Variants in ENTPD3 observed in about 807,000 individuals in gnomAD.
ENTPD3 encodes ectonucleoside triphosphate diphosphohydrolase 3, also known as CD39 antigen-like 3.
ENTPD3 carries 60 observed loss-of-function variants against 51.2 expected under a neutral mutation model. That is an observed-to-expected ratio of 1.17 (90% confidence interval 0.95 to 1.45). ENTPD3 has a LOEUF of 1.45. Among genes scored for constraint, ENTPD3 ranks in the 40% most tolerant of loss-of-function variants. ENTPD3 has a pLI of 0.00. For missense variants in ENTPD3, 593 were observed against 641.1 expected, an observed-to-expected ratio of 0.93 and a Z score of 0.81; for synonymous variants, 221 against 238.4, an observed-to-expected ratio of 0.93 and a Z score of 0.67.
intron 2 of ENTPD3, among the ~76,000 whole-genome samples, chr3:40,388,579 CACACAG>C (rs1290279636): frequency 2.7e-3 from 159 of 59,746 alleles, no homozygotes; most frequent in Middle Eastern, 0.023. Flanking sequence ...AAGGCACACA[CACACAG>C]ACACACACAC....
chr3:40,397,115 G>GTTTTTTTTTT (rs1437880969), intron 3 of ENTPD3, among the ~76,000 whole-genome samples: 3 of 23,864 alleles, frequency 1.3e-4, no homozygotes, highest in African/African-American at 2.2e-4. Context: ...TGGATAATTA[G>GTTTTTTTTTT]TTTCTTTTTT....
intron 7 of ENTPD3, among the ~76,000 whole-genome samples, chr3:40,418,106 T>C (rs951917985): frequency 1.3e-5 from 2 of 152,218 alleles, no homozygotes; most frequent in African/African-American, 2.4e-5. Context: ...AGTCTCCAAA[T>C]GTGAGCCCAG....
chr3:40,407,816 C>A (rs946823831), intron 4 of ENTPD3, among the ~76,000 whole-genome samples: 2 of 151,986 alleles, frequency 1.3e-5, no homozygotes, highest in Non-Finnish European at 2.9e-5. Flanking sequence ...AGAGGAAGTG[C>A]GCAATTAGGT....
chr3:40,416,698 G>T (rs1955755783), intron 7 of ENTPD3, among the ~76,000 whole-genome samples: 1 of 152,156 alleles, frequency 6.6e-6, no homozygotes, highest in South Asian at 2.1e-4. Flanking sequence ...GTTCATGAGG[G>T]CACTAACTCC....
At chr3:40,425,079 T>G (rs1955956283) in intron 10 of ENTPD3, 1 of 242,202 alleles carries the variant, frequency 4.1e-6, no homozygotes, top group African/African-American at 2.2e-5. Context: ...AGTTCCCTTT[T>G]TTTAATTATA....
chr3:40,413,087 C>T (rs1955671172), intron 5 of ENTPD3, among the ~76,000 whole-genome samples: 1 of 152,178 alleles, frequency 6.6e-6, no homozygotes, highest in Non-Finnish European at 1.5e-5. Flanking sequence ...ATTCCATGGA[C>T]CTAAAATCCT....
chr3:40,422,627 G>A (rs938132411), intron 7 of ENTPD3, among the ~76,000 whole-genome samples: 21 of 150,098 alleles, frequency 1.4e-4, no homozygotes, highest in Middle Eastern at 3.5e-3. Context: ...TTGTCCTTGC[G>A]ATAGTTTACT....
intron 4 of ENTPD3, among the ~76,000 whole-genome samples, chr3:40,402,591 A>G (rs1436830994): frequency 6.6e-6 from 1 of 152,130 alleles, no homozygotes; most frequent in Non-Finnish European, 1.5e-5. Context: ...AATTCTTTAT[A>G]AATATTCTAA....
chr3:40,396,483 G>T (rs972905963), intron 3 of ENTPD3, among the ~76,000 whole-genome samples: 1 of 152,156 alleles, frequency 6.6e-6, no homozygotes. Flanking sequence ...TGTTACAGAG[G>T]ACTCTCATGC....
chr3:40,387,958 TG>T, intron 1 of ENTPD3, 87 bp from the exon 2 acceptor site: 1 of 1,081,698 alleles, frequency 9.2e-7, no homozygotes, highest in Non-Finnish European at 1.4e-6. Context: ...GGAAGTAAAA[TG>T]GGTTTTGTCT....
At chr3:40,393,212 A>G (rs1955106258) in intron 3 of ENTPD3, among the ~76,000 whole-genome samples, 1 of 152,190 alleles carries the variant, frequency 6.6e-6, no homozygotes, top group Non-Finnish European at 1.5e-5. Flanking sequence ...GGTAGGGGTC[A>G]GCAAACATTT....
At chr3:40,413,508 T>C (rs1456807971) in intron 5 of ENTPD3, among the ~76,000 whole-genome samples, 1 of 152,210 alleles carries the variant, frequency 6.6e-6, no homozygotes, top group Admixed American at 6.5e-5. Flanking sequence ...TCTGAACTTA[T>C]GACTTAAGTA....
At position 40,427,326 on chromosome 3, in the gene ENTPD3, C is replaced by G; in HGVS notation, c.1408C>G (p.Gln470Glu). ...SLGYMLSLTNQIPAESPLIRL... is the reference protein window; with the variant it reads ...SLGYMLSLTNEIPAESPLIRL... ...TGGCTACATGCTCAGCCTGACCAAC[C>G]AGATCCCAGCTGAAAGCCCTCTGAT... The change falls in exon 11 of 11, where the codon CAG becomes GAG. Residue 470 changes from glutamine to glutamate, a missense_variant. Gln to Glu is a conservative substitution (Grantham distance 29). Transcript: ENST00000301825. 6.2e-7 allele frequency: 1 copy of G among 1,614,182 alleles called. No individual in the cohort carries two copies. Among genetic ancestry groups the G allele is most frequent in the Non-Finnish European group, 8.5e-7 (1 of 1,180,042 alleles).
At chr3:40,409,968 C>T (rs1027641646) in intron 4 of ENTPD3, among the ~76,000 whole-genome samples, 4 of 151,944 alleles carry the variant, frequency 2.6e-5, no homozygotes, top group African/African-American at 9.7e-5. Context: ...TTATTTTAAA[C>T]AAACATTGGT....
chr3:40,397,423 G>T (rs1446739327), intron 3 of ENTPD3, among the ~76,000 whole-genome samples: 1 of 151,972 alleles, frequency 6.6e-6, no homozygotes, highest in Non-Finnish European at 1.5e-5. Flanking sequence ...TTAGACTCAG[G>T]CTTGATCCCA....
intron 10 of ENTPD3, among the ~76,000 whole-genome samples, chr3:40,425,940 C>T (rs1384849302): frequency 2.0e-5 from 3 of 147,640 alleles, no homozygotes; most frequent in Non-Finnish European, 4.5e-5. Context: ...AGAAAACGAA[C>T]ACTAAAGAAA....
At chr3:40,424,196 G>C (rs1429137460) in intron 10 of ENTPD3, 6 of 984,650 alleles carry the variant, frequency 6.1e-6, no homozygotes, top group African/African-American at 1.7e-5. Flanking sequence ...CAATGGACTA[G>C]GCGGTCCTGG....
At chr3:40,391,734 T>C (rs1457049682) in intron 2 of ENTPD3, 1 of 438,218 alleles carries the variant, frequency 2.3e-6, no homozygotes, top group Non-Finnish European at 4.0e-6. Flanking sequence ...TTGTAATTCA[T>C]CTCAGGGATA....
intron 4 of ENTPD3, among the ~76,000 whole-genome samples, chr3:40,405,556 G>A (rs997127788): frequency 8.6e-5 from 13 of 151,934 alleles, no homozygotes; most frequent in South Asian, 2.1e-4. Flanking sequence ...GCTGAGGTGC[G>A]TGTCTTTGGC....
Sources: allele counts gnomAD v4.1 joint callset (sites outside exome capture counted in the v4.1 genomes callset), GRCh38; gene constraint gnomAD v4.1.1; transcripts MANE v1.5; gene names NCBI Gene and HGNC (gene_info 2026-07-23, HGNC 2026-07-21).